Variants in HPSE2 observed in about 807,000 individuals in gnomAD.
HPSE2 encodes the protein inactive heparanase-2.
HPSE2 carries 38 observed loss-of-function variants against 60.5 expected under a neutral mutation model. That is an observed-to-expected ratio of 0.63 (90% CI 0.48 to 0.82). The LOEUF is 0.82. Among genes scored for constraint, HPSE2 ranks in the 40% least tolerant of loss-of-function variants. The probability of loss-of-function intolerance (pLI) is 0.00; values close to 1 mark genes in which losing one functional copy is unlikely to be tolerated. For missense variants in HPSE2, 713 were observed against 740.4 expected, an observed-to-expected ratio of 0.96 and a Z score of 0.43; for synonymous variants, 295 against 293.2, an observed-to-expected ratio of 1.01 and a Z score of -0.06.
intron 3 of HPSE2, among the ~76,000 whole-genome samples, chr10:99,111,453 G>T (rs1037851798): frequency 6.6e-6 from 1 of 152,130 alleles, no homozygotes; most frequent in Non-Finnish European, 1.5e-5. Flanking sequence ...AAAATCTAGA[G>T]GGAGAAGGCA....
At chr10:98,823,084 T>C (rs1951460643) in intron 3 of HPSE2, among the ~76,000 whole-genome samples, 1 of 152,176 alleles carries the variant, frequency 6.6e-6, no homozygotes, top group African/African-American at 2.4e-5. Context: ...ATGTTATGCT[T>C]CTGGCTTTGA....
chr10:98,806,884 C>T (rs1026611762), intron 3 of HPSE2, among the ~76,000 whole-genome samples: 1 of 152,184 alleles, frequency 6.6e-6, no homozygotes, highest in South Asian at 2.1e-4. Context: ...TGGCTCACGC[C>T]TGTAATCCCA....
chr10:98,772,874 C>A (rs1426017635), intron 3 of HPSE2, among the ~76,000 whole-genome samples: 5 of 152,106 alleles, frequency 3.3e-5, no homozygotes, highest in Admixed American at 2.0e-4. Flanking sequence ...GGTTGAAATT[C>A]TAAGCAAGAA....
the HPSE2 span, among the ~76,000 whole-genome samples, chr10:99,293,042 A>G: frequency 6.6e-6 from 1 of 152,154 alleles, no homozygotes; most frequent in Non-Finnish European, 1.5e-5. Flanking sequence ...TGGCTAAAGC[A>G]GGGGGCCAAA....
intron 3 of HPSE2, among the ~76,000 whole-genome samples, chr10:99,124,695 CA>C (rs1300052493): frequency 1.3e-5 from 2 of 152,262 alleles, no homozygotes; most frequent in Non-Finnish European, 2.9e-5. Flanking sequence ...AGAAGCATGG[CA>C]AGGCCAGACA....
At chr10:99,287,135 G>A in the HPSE2 span, among the ~76,000 whole-genome samples, 1 of 152,048 alleles carries the variant, frequency 6.6e-6, no homozygotes, top group Admixed American at 6.6e-5. Context: ...AATTATCTTA[G>A]AGCTAATCCT....
At chr10:99,061,882 G>C (rs1408572390) in intron 3 of HPSE2, among the ~76,000 whole-genome samples, 1 of 152,182 alleles carries the variant, frequency 6.6e-6, no homozygotes, top group Admixed American at 6.5e-5. Context: ...CATCTACTGA[G>C]AAGTATTGGG....
intron 5 of HPSE2, 87 bp downstream of exon 5, chr10:98,721,570 T>G (rs565851365): frequency 2.5e-4 from 327 of 1,307,844 alleles, no homozygotes; most frequent in Non-Finnish European, 3.3e-4. Flanking sequence ...AATAAATAAA[T>G]AAATAAATAA....
rs142415497 is a variant in HPSE2, at chr10:99,167,864, A to G, written c.449-23465T>C. 3.9e-3 allele frequency among the ~76,000 whole-genome samples: 594 copies of G among 152,048 alleles called. 3 individuals carry two copies. The highest frequency in any genetic ancestry group is 0.014 in the African/African-American group (565 of 41,362). ...TATCTTAATAATACTGAGTCTTCTA[A>G]TCCATGAACACATTTTGTCTCTCTC... On this transcript the variant is annotated intron_variant, in intron 2 of 11. Transcript: ENST00000370552.
intron 5 of HPSE2, among the ~76,000 whole-genome samples, chr10:98,710,544 G>A (rs1437415792): frequency 1.3e-5 from 2 of 152,208 alleles, no homozygotes; most frequent in South Asian, 4.1e-4. Context: ...TTACTTCCTT[G>A]CAGTTTAATT....
chr10:99,200,350 G>A (rs556219424), intron 2 of HPSE2, among the ~76,000 whole-genome samples: 38 of 152,066 alleles, frequency 2.5e-4, no homozygotes, highest in Middle Eastern at 3.4e-3. Flanking sequence ...CAGATTTCTC[G>A]TTAGGAAGTA....
chr10:98,576,370 G>A (rs1312668990), intron 9 of HPSE2, among the ~76,000 whole-genome samples: 1 of 151,928 alleles, frequency 6.6e-6, no homozygotes, highest in African/African-American at 2.4e-5. Context: ...AATAAAAAGC[G>A]ACTCAATACA....
At chr10:98,735,644 T>C (rs1949338379) in intron 4 of HPSE2, among the ~76,000 whole-genome samples, 1 of 152,112 alleles carries the variant, frequency 6.6e-6, no homozygotes, top group Non-Finnish European at 1.5e-5. Flanking sequence ...CGGGAACCCA[T>C]CTTTTGCATT....
chr10:98,666,900 GAA>G (rs1399767946), intron 6 of HPSE2, among the ~76,000 whole-genome samples: 4 of 151,650 alleles, frequency 2.6e-5, no homozygotes, highest in Admixed American at 2.0e-4. Context: ...ATTTCTAGAA[GAA>G]AAAGAGTAAT....
chr10:98,724,486 T>C (rs1949016496), intron 4 of HPSE2, among the ~76,000 whole-genome samples: 1 of 152,190 alleles, frequency 6.6e-6, no homozygotes, highest in Non-Finnish European at 1.5e-5. Flanking sequence ...TAGGTCCACT[T>C]GGTGCAGAGC....
At chr10:99,296,873 G>A in the HPSE2 span, among the ~76,000 whole-genome samples, 27 of 152,180 alleles carry the variant, frequency 1.8e-4, no homozygotes, top group Admixed American at 1.8e-3. Flanking sequence ...CAGAGTGATG[G>A]TCAGCAGGAA....
chr10:99,098,935 A>G (rs1255755679), intron 3 of HPSE2, among the ~76,000 whole-genome samples: 1 of 152,240 alleles, frequency 6.6e-6, no homozygotes, highest in Non-Finnish European at 1.5e-5. Context: ...CAATGTTAAC[A>G]TTAAATATGC....
At chr10:98,924,168 G>T (rs1213739053) in intron 3 of HPSE2, among the ~76,000 whole-genome samples, 1 of 152,188 alleles carries the variant, frequency 6.6e-6, no homozygotes, top group Non-Finnish European at 1.5e-5. Flanking sequence ...GAATGCTCTG[G>T]ATTACCAGGC....
At chr10:99,276,178 A>G in the HPSE2 span, among the ~76,000 whole-genome samples, 2 of 152,256 alleles carry the variant, frequency 1.3e-5, no homozygotes, top group African/African-American at 2.4e-5. Context: ...TATAAATACA[A>G]TATTCGTTGG....
Sources: gnomAD v4.1 joint callset for allele counts (sites outside exome capture counted in the v4.1 genomes callset) on GRCh38, gnomAD v4.1.1 for gene constraint, MANE v1.5 for transcripts, NCBI Gene and HGNC (gene_info 2026-07-23, HGNC 2026-07-21) for gene names.